Variants in OSR2 observed in about 807,000 individuals in gnomAD.
OSR2 encodes the protein odd-skipped related transciption factor 2.
Under a neutral mutation model 22.3 loss-of-function variants are expected in OSR2, and 8 were observed. That is an observed-to-expected ratio of 0.36 (90% CI 0.21 to 0.65). The LOEUF (loss-of-function observed/expected upper bound fraction) is 0.65. Among genes scored for constraint, OSR2 ranks in the 30% least tolerant of loss-of-function variants. OSR2 has a pLI of 0.66. For synonymous variants in OSR2, 179 were observed against 173.8 expected, an observed-to-expected ratio of 1.03 and a Z score of -0.23; for missense variants, 311 against 413.4, an observed-to-expected ratio of 0.75 and a Z score of 2.15.
chr8:98,950,589 A>C, intron 2 of OSR2, 67 bp from the exon 3 acceptor site: 1 of 942,192 alleles, frequency 1.1e-6, no homozygotes, highest in Non-Finnish European at 1.6e-6. Context: ...CCTTTTAAGT[A>C]ATTGCTAAAA....
chr8:98,946,730 A>G (rs981344013), intron 1 of OSR2, among the ~76,000 whole-genome samples: 3 of 152,174 alleles, frequency 2.0e-5, no homozygotes, highest in African/African-American at 4.8e-5. Context: ...TCACAACAGT[A>G]CTTTAGCCAA....
rs1224775879 is a variant in OSR2, at chr8:98,948,865, C to T, written c.-88C>T. 3.1e-6 allele frequency: 5 copies of T among 1,610,010 alleles called. No individual in the cohort carries two copies. The highest frequency in any genetic ancestry group is 4.2e-6 in the Non-Finnish European group (5 of 1,178,820). Reference sequence around the variant, plus strand: ...GCTTTCTCTACGTGCTGTTGTCTCACTGGGTTTTTGTCGGAGCCCCACGCC... The same window carrying T: ...GCTTTCTCTACGTGCTGTTGTCTCATTGGGTTTTTGTCGGAGCCCCACGCC... On this transcript the variant is annotated 5_prime_UTR_variant, in exon 2 of 4. Transcript: ENST00000297565. The surrounding 1 kb of genome is among the most constrained non-coding windows in gnomAD (Gnocchi z 6.0).
intron 1 of OSR2, among the ~76,000 whole-genome samples, chr8:98,945,342 T>G (rs1427201311): frequency 6.6e-6 from 1 of 152,212 alleles, no homozygotes; most frequent in Non-Finnish European, 1.5e-5. Flanking sequence ...TAGTCCTGAC[T>G]GAGGGGGCCC....
chr8:98,944,758 A>G lies in OSR2; in HGVS notation c.-180A>G, dbSNP rs1208181973. ...AGGCGTGGACTCAATGACCTTTCCAAGCTGTGCGCCTCGCTGCCTGGACCG... is the reference window on the plus strand; with the variant it reads ...AGGCGTGGACTCAATGACCTTTCCAGGCTGTGCGCCTCGCTGCCTGGACCG... On this transcript the variant is annotated 5_prime_UTR_variant, in exon 1 of 4. Transcript: ENST00000297565. 1 of 152,242 alleles carries G rather than the reference A, an allele frequency of 6.6e-6. No individual in the cohort carries two copies. Among genetic ancestry groups the G allele is most frequent in the East Asian group, 1.9e-4 (1 of 5,190 alleles). The allele number at this position is 152,242 out of a possible 1,614,324, so 9.4% of individuals were successfully genotyped here.
chr8:98,948,277 G>C lies in OSR2; in HGVS notation c.-114-562G>C, dbSNP rs1052426408. 3.3e-6 allele frequency: 5 copies of C among 1,516,490 alleles called. No homozygotes were observed. The highest frequency in any genetic ancestry group is 4.4e-6 in the Non-Finnish European group (5 of 1,135,392). The allele number at this position is 1,516,490 out of a possible 1,614,324, so 93.9% of individuals were successfully genotyped here. On this transcript the variant is annotated intron_variant, in intron 1 of 3. Coordinates refer to ENST00000297565, the MANE Select transcript of OSR2 (RefSeq NM_001142462.3). This position sits in a 1 kb window ranked among gnomAD's most constrained non-coding sequence, Gnocchi z 6.0. ...TGGCCCAGGAGGATGAAGCGCGCCG[G>C]CTTCGCTCTTGCACGCCGGCTTGCC... is the stretch of plus-strand genomic sequence containing the variant.
In OSR2 at chr8:98,948,485, AG is replaced by A; in HGVS notation, c.-114-351del. On this transcript the variant is annotated intron_variant, in intron 1 of 3. Transcript: ENST00000297565. The surrounding 1 kb of genome is among the most constrained non-coding windows in gnomAD (Gnocchi z 6.0). ...TGAGCTTCGCCTAACAGGCTTGGGG[AG>A]GGTGGGCTGGGCTGGGCTGGGCTGG... 5.1e-5 allele frequency: 1 copy of A among 19,564 alleles called. No individual in the cohort carries two copies. Among genetic ancestry groups the A allele is most frequent in the Non-Finnish European group, 7.2e-5 (1 of 13,896 alleles). The allele number at this position is 19,564 out of a possible 1,614,324, so 1.2% of individuals were successfully genotyped here. A position where few individuals can be genotyped will look rare whatever the true frequency, so the allele number is the denominator to read the frequency against.
chr8:98,948,044 A>T lies in OSR2; in HGVS notation c.-114-795A>T. ...CCCCACCCCACCCCCTGGGAGCCTGAACCATCTGGAAGGGATCTTAGTCGG... is the reference window on the plus strand; with the variant it reads ...CCCCACCCCACCCCCTGGGAGCCTGTACCATCTGGAAGGGATCTTAGTCGG... On this transcript the variant is annotated intron_variant, in intron 1 of 3. Coordinates refer to ENST00000297565, the MANE Select transcript of OSR2 (RefSeq NM_001142462.3). This position sits in a 1 kb window ranked among gnomAD's most constrained non-coding sequence, Gnocchi z 6.0. 1 of 1,153,298 alleles carries T rather than the reference A, an allele frequency of 8.7e-7. No individual in the cohort carries two copies. Among genetic ancestry groups the T allele is most frequent in the Non-Finnish European group, 1.1e-6 (1 of 895,748 alleles). The allele number at this position is 1,153,298 out of a possible 1,614,324, so 71.4% of individuals were successfully genotyped here. A position where few individuals can be genotyped will look rare whatever the true frequency, so the allele number is the denominator to read the frequency against.
In OSR2 at chr8:98,949,180, G is replaced by C. The variant is rs547964746; in HGVS notation, c.228G>C (p.Gln76His). 9 of 1,598,990 alleles carry C rather than the reference G, an allele frequency of 5.6e-6. No homozygotes were observed. The highest frequency in any genetic ancestry group is 1.1e-5 in the South Asian group (1 of 88,940). Reference sequence around the variant, plus strand: ...CCATCACGGAGATGGCGGCGGCGCAGGGCCTCGTGGACGCGCGCTTCCCCT... The same window carrying C: ...CCATCACGGAGATGGCGGCGGCGCACGGCCTCGTGGACGCGCGCTTCCCCT... ...RSTITEMAAA[Q>H]GLVDARFPFP... is the part of the protein sequence containing the mutation. Residue 76 changes from glutamine to histidine, a missense_variant, in exon 2 of 4, where the codon CAG (glutamine) becomes CAC (histidine). Gln to His is a conservative substitution (Grantham distance 24). Coordinates refer to ENST00000297565, the MANE Select transcript of OSR2 (RefSeq NM_001142462.3). The surrounding 1 kb of genome is among the most constrained non-coding windows in gnomAD (Gnocchi z 5.9).
In OSR2 at chr8:98,949,290, G is replaced by A. The variant is rs750763453; in HGVS notation, c.338G>A (p.Arg113Gln). ...GTCCTCCCAGCCCTGCACAAGGACC[G>A]GCCCCGTTTTGACTTTGCCAATTTG... ...AHVLPALHKDRPRFDFANLAV... is the reference protein window; with the variant it reads ...AHVLPALHKDQPRFDFANLAV... The change falls in exon 2 of 4, where the codon CGG becomes CAG. Residue 113 changes from arginine to glutamine, a missense_variant. By Grantham distance (43) the Arg-to-Gln change is conservative. This residue lies in a region of OSR2 where 146 missense variants were observed against 160.5 expected (regional missense o/e 0.91). Transcript: ENST00000297565. This position sits in a 1 kb window ranked among gnomAD's most constrained non-coding sequence, Gnocchi z 5.9. 4 of 1,613,344 alleles carry A rather than the reference G, an allele frequency of 2.5e-6. No individual in the cohort carries two copies. The South Asian group carries it at 4.4e-5, about 18-fold the overall frequency.
rs1840727063 is a variant in OSR2 at position 98,949,697 on chromosome 8, T to C, written c.656+89T>C. On this transcript the variant is annotated intron_variant, in intron 2 of 3. Transcript: ENST00000297565. The surrounding 1 kb of genome is among the most constrained non-coding windows in gnomAD (Gnocchi z 5.9). ...CTGATAGACATTCCCAGTGTCATTA[T>C]AATCCCCTGTGATCTAAAATACACC... 6.9e-7 allele frequency: 1 copy of C among 1,445,612 alleles called. No homozygotes were observed. Among genetic ancestry groups the C allele is most frequent in the Non-Finnish European group, 9.4e-7 (1 of 1,066,596 alleles). 89.5% of individuals were successfully genotyped at this position (1,445,612 alleles called of 1,614,324 possible). A position where few individuals can be genotyped will look rare whatever the true frequency, so the allele number is the denominator to read the frequency against.
Position 98,948,845 on chromosome 8 carries a change from C to T in OSR2, c.-108C>T. On this transcript the variant is annotated 5_prime_UTR_variant, in exon 2 of 4. Coordinates refer to ENST00000297565, the MANE Select transcript of OSR2 (RefSeq NM_001142462.3). This position sits in a 1 kb window ranked among gnomAD's most constrained non-coding sequence, Gnocchi z 6.0. ...TCTTCCCTGCCATTTTTAGGGCTTT[C>T]TCTACGTGCTGTTGTCTCACTGGGT... The T allele has an allele frequency of 6.3e-7, 1 of 1,597,526 alleles. No individual in the cohort carries two copies. Among genetic ancestry groups the T allele is most frequent in the Non-Finnish European group, 8.5e-7 (1 of 1,173,258 alleles).
At chr8:98,950,573 C>A in intron 2 of OSR2, 83 bp from the exon 3 acceptor site, 1 of 821,908 alleles carries the variant, frequency 1.2e-6, no homozygotes, top group South Asian at 1.8e-5. Flanking sequence ...TGTTCTTCCA[C>A]GACTTCCTTT....
rs572439514 is a variant in OSR2 at position 98,948,777 on chromosome 8, G to A, written c.-114-62G>A. On this transcript the variant is annotated intron_variant, in intron 1 of 3. Transcript: ENST00000297565. The surrounding 1 kb of genome is among the most constrained non-coding windows in gnomAD (Gnocchi z 6.0). ...GTGGTAACCTGCGCAGGTGCCAAAGGGCAGAAGGAGCAGCCTTGGATTATA... is the reference window on the plus strand; with the variant it reads ...GTGGTAACCTGCGCAGGTGCCAAAGAGCAGAAGGAGCAGCCTTGGATTATA... 1.1e-4 allele frequency: 157 copies of A among 1,464,664 alleles called. 1 individual carries two copies. In the Middle Eastern group the frequency reaches 1.1e-3, roughly 10 times the overall value. The allele number at this position is 1,464,664 out of a possible 1,614,324, so 90.7% of individuals were successfully genotyped here. A position where few individuals can be genotyped will look rare whatever the true frequency, so the allele number is the denominator to read the frequency against.
intron 3 of OSR2, chr8:98,951,087 A>G: frequency 1.9e-6 from 1 of 523,458 alleles, no homozygotes; most frequent in Admixed American, 3.6e-5. Context: ...GAAATCCCAT[A>G]CGTTCTCTTT....
intron 1 of OSR2, among the ~76,000 whole-genome samples, chr8:98,945,780 A>G (rs1840594928): frequency 6.6e-6 from 1 of 152,104 alleles, no homozygotes; most frequent in African/African-American, 2.4e-5. Flanking sequence ...TTTCTTTTTA[A>G]TGATCTTCTT....
At position 98,951,522 on chromosome 8, in the gene OSR2, T is replaced by C; in HGVS notation, c.760T>C (p.Ser254Pro). The C allele has an allele frequency of 3.8e-6, 6 of 1,581,306 alleles. No individual in the cohort carries two copies. The African/African-American group carries it at 6.7e-5, about 18-fold the overall frequency. The stretch of plus-strand genomic sequence containing the variant: ...TGCTTGCTTCACATCTGAACAGGAA[T>C]CTCCACACAAATGTCCCACATGTGG... Reference protein sequence around the residue: ...AVHKTLHMQESPHKCPTCGRT... With the variant: ...AVHKTLHMQEPPHKCPTCGRT... The change falls in exon 4 of 4, where the codon TCT becomes CCT. Residue 254 changes from serine (S) to proline (P), a missense_variant. Around this residue, in one of 5 missense-constraint regions of OSR2, gnomAD observed 70 missense variants for 84.5 expected, o/e 0.83. Transcript: ENST00000297565.
rs1840798687 is a variant in OSR2 at position 98,952,006 on chromosome 8, CT to C, written c.*307del. The C allele has an allele frequency of 3.8e-6, 1 of 260,572 alleles. No homozygotes were observed. Among genetic ancestry groups the C allele is most frequent in the African/African-American group, 2.2e-5 (1 of 45,772 alleles). The allele number at this position is 260,572 out of a possible 1,614,324, so 16.1% of individuals were successfully genotyped here. A position where few individuals can be genotyped will look rare whatever the true frequency, so the allele number is the denominator to read the frequency against. On this transcript the variant is annotated 3_prime_UTR_variant, in exon 4 of 4. Coordinates refer to ENST00000297565, the MANE Select transcript of OSR2 (RefSeq NM_001142462.3). The stretch of plus-strand genomic sequence containing the variant: ...TTTGTTGTTTTGTTTGCTTTGGGAT[CT>C]TGTTGGATGCACTTAGATATGGAAA...
Position 98,948,200 on chromosome 8 carries a change from A to G in OSR2, c.-114-639A>G, listed in dbSNP as rs1489374740. ...GGGGCTGAGGGCAGAGGAAGGAAAA[A>G]GAAAACCTCCGAGGTCAGTGCGGGG... On this transcript the variant is annotated intron_variant, in intron 1 of 3. Transcript: ENST00000297565. The surrounding 1 kb of genome is among the most constrained non-coding windows in gnomAD (Gnocchi z 6.0). 7.1e-7 allele frequency: 1 copy of G among 1,412,016 alleles called. No homozygotes were observed. Among genetic ancestry groups the G allele is most frequent in the Non-Finnish European group, 9.2e-7 (1 of 1,086,352 alleles). 87.5% of individuals were successfully genotyped at this position (1,412,016 alleles called of 1,614,324 possible).
At chr8:98,950,875 G>A (rs1299572908) in intron 3 of OSR2, 120 bp downstream of exon 3, 3 of 710,550 alleles carry the variant, frequency 4.2e-6, no homozygotes, top group South Asian at 1.5e-5. Context: ...AGTTCTCTAG[G>A]TGGGGAAAAG....
Sources: allele counts gnomAD v4.1 joint callset (sites outside exome capture counted in the v4.1 genomes callset), GRCh38; gene constraint gnomAD v4.1.1; regional missense constraint gnomAD v4.1.1; non-coding constraint Gnocchi (gnomAD v3.1); transcripts MANE v1.5; gene names NCBI Gene and HGNC (gene_info 2026-07-23, HGNC 2026-07-21).